Variants in FAM171B observed in about 807,000 individuals in gnomAD.
FAM171B encodes family with sequence similarity 171 member B.
Under a neutral mutation model 75.6 loss-of-function variants are expected in FAM171B, and 19 were observed. The ratio of observed to expected loss-of-function variants is 0.25; its 90% CI spans 0.18 to 0.37. The LOEUF (loss-of-function observed/expected upper bound fraction) is 0.37, where lower values mean the gene tolerates loss of function less well. Ranked by LOEUF, FAM171B falls within the 10% of genes least tolerant of loss-of-function variation. The pLI is 1.00. For missense variants in FAM171B, 848 were observed against 982.4 expected (o/e 0.86, Z 1.83); for synonymous variants, 367 against 361.7 (o/e 1.01, Z -0.17).
chr2:186,725,299 A>C lies in FAM171B; in HGVS notation c.239-14929A>C, dbSNP rs2682864. 9.4e-3 allele frequency among the ~76,000 whole-genome samples: 1,407 copies of C among 150,268 alleles called. 22 individuals carry two copies. Among genetic ancestry groups the C allele is most frequent in the African/African-American group, 0.033 (1,338 of 40,848 alleles). Reference sequence around the variant, plus strand: ...GCGGAGCTTGCAGTGAGCCGAGACCACGCCACTGCACTCCAACCTGGGCGA... The same window carrying C: ...GCGGAGCTTGCAGTGAGCCGAGACCCCGCCACTGCACTCCAACCTGGGCGA... On this transcript the variant is annotated intron_variant, in intron 1 of 7. Transcript: ENST00000304698.
At chr2:186,735,559 A>G (rs1690187545) in intron 1 of FAM171B, among the ~76,000 whole-genome samples, 2 of 152,146 alleles carry the variant, frequency 1.3e-5, no homozygotes, top group East Asian at 3.9e-4. Context: ...AGGCAGTTAC[A>G]TTTTGAGGAA....
At chr2:186,712,264 C>T (rs1234125726) in intron 1 of FAM171B, among the ~76,000 whole-genome samples, 2 of 152,046 alleles carry the variant, frequency 1.3e-5, no homozygotes, top group African/African-American at 2.4e-5. Context: ...GTTTAATTAT[C>T]TAAGTGCATT....
Position 186,740,158 on chromosome 2 carries a change from G to T in FAM171B, c.239-70G>T, listed in dbSNP as rs183660965. ...GTACTGTTATTTAGATATGTTGAAT[G>T]ACATTTAAAGACTATGACATATGCA... On this transcript the variant is annotated intron_variant, in intron 1 of 7. Transcript: ENST00000304698. The T allele has an allele frequency of 4.7e-6, 5 of 1,056,570 alleles. No homozygotes were observed. The East Asian group carries it at 9.8e-5, about 21-fold the overall frequency. The allele number at this position is 1,056,570 out of a possible 1,614,324, so 65.4% of individuals were successfully genotyped here. A position where few individuals can be genotyped will look rare whatever the true frequency, so the allele number is the denominator to read the frequency against.
chr2:186,744,345 A>G (rs1221981082), intron 3 of FAM171B, among the ~76,000 whole-genome samples: 1 of 152,190 alleles, frequency 6.6e-6, no homozygotes, highest in Non-Finnish European at 1.5e-5. Flanking sequence ...ACTCTCTGTG[A>G]AAGTTCTTTT....
chr2:186,723,270 G>T (rs1689981759), intron 1 of FAM171B, among the ~76,000 whole-genome samples: 1 of 152,134 alleles, frequency 6.6e-6, no homozygotes, highest in Non-Finnish European at 1.5e-5. Flanking sequence ...AGGTCCTTTT[G>T]TCTCTCTCAT....
intron 1 of FAM171B, among the ~76,000 whole-genome samples, chr2:186,723,551 G>A (rs939865908): frequency 1.1e-4 from 17 of 151,976 alleles, no homozygotes; most frequent in Admixed American, 1.1e-3. Flanking sequence ...CTTAAAATTG[G>A]GTAACAGATA....
At chr2:186,751,650 T>C (rs1405585209) in intron 5 of FAM171B, among the ~76,000 whole-genome samples, 1 of 152,194 alleles carries the variant, frequency 6.6e-6, no homozygotes, top group Non-Finnish European at 1.5e-5. Context: ...TTTAAGGCCA[T>C]AGGGAAATGT....
chr2:186,725,516 A>T (rs1339723109), intron 1 of FAM171B, among the ~76,000 whole-genome samples: 1 of 152,080 alleles, frequency 6.6e-6, no homozygotes, highest in Non-Finnish European at 1.5e-5. Flanking sequence ...TCTCAAGGAT[A>T]AGTATCTGTG....
chr2:186,734,790 G>T (rs558708012), intron 1 of FAM171B, among the ~76,000 whole-genome samples: 121 of 152,324 alleles, frequency 7.9e-4, no homozygotes, highest in Non-Finnish European at 1.4e-3. Flanking sequence ...CCCACCTGTG[G>T]CCATGAGTGC....
intron 6 of FAM171B, among the ~76,000 whole-genome samples, chr2:186,760,438 T>C (rs940390296): frequency 6.6e-6 from 1 of 152,162 alleles, no homozygotes; most frequent in Non-Finnish European, 1.5e-5. Context: ...AGATAAAAAA[T>C]AAATGCAGCT....
At chr2:186,723,229 A>AGG (rs1345726538) in intron 1 of FAM171B, among the ~76,000 whole-genome samples, 6 of 152,236 alleles carry the variant, frequency 3.9e-5, no homozygotes, top group Non-Finnish European at 5.9e-5. Flanking sequence ...CATTCATGAG[A>AGG]GGGAACATTC....
intron 6 of FAM171B, among the ~76,000 whole-genome samples, chr2:186,758,083 T>A (rs1453043162): frequency 6.6e-6 from 1 of 152,182 alleles, no homozygotes; most frequent in Non-Finnish European, 1.5e-5. Context: ...CATTTTAATA[T>A]AACCTTAAAG....
At chr2:186,699,405 T>A (rs1040480998) in intron 1 of FAM171B, among the ~76,000 whole-genome samples, 19 of 152,174 alleles carry the variant, frequency 1.2e-4, no homozygotes, top group Non-Finnish European at 2.2e-4. Flanking sequence ...CATATACCTG[T>A]TTGCCATTTG....
At chr2:186,759,872 T>C (rs951618361) in intron 6 of FAM171B, among the ~76,000 whole-genome samples, 3 of 152,092 alleles carry the variant, frequency 2.0e-5, no homozygotes, top group East Asian at 3.9e-4. Context: ...CCAAGATTTA[T>C]TGGAGAGTTT....
At chr2:186,738,769 T>A (rs1690243752) in intron 1 of FAM171B, among the ~76,000 whole-genome samples, 1 of 152,180 alleles carries the variant, frequency 6.6e-6, no homozygotes, top group Admixed American at 6.5e-5. Flanking sequence ...AGAACCTCAG[T>A]CTTCACATTA....
At chr2:186,734,195 A>G (rs2105783447) in intron 1 of FAM171B, among the ~76,000 whole-genome samples, 1 of 152,208 alleles carries the variant, frequency 6.6e-6, no homozygotes, top group South Asian at 2.1e-4. Flanking sequence ...GCTCCTTCCC[A>G]CAAGCAGGTC....
intron 4 of FAM171B, among the ~76,000 whole-genome samples, chr2:186,749,166 T>C (rs1344852105): frequency 6.6e-6 from 1 of 152,208 alleles, no homozygotes; most frequent in African/African-American, 2.4e-5. Context: ...ATGCAGTTAG[T>C]GGTCACTTTA....
intron 1 of FAM171B, among the ~76,000 whole-genome samples, chr2:186,706,751 G>C (rs1689738159): frequency 6.6e-6 from 1 of 152,122 alleles, no homozygotes. Flanking sequence ...GACTGTACAT[G>C]TTCCTATCAT....
At chr2:186,706,003 ACT>A (rs1212908069) in intron 1 of FAM171B, among the ~76,000 whole-genome samples, 7 of 152,122 alleles carry the variant, frequency 4.6e-5, no homozygotes, top group African/African-American at 9.6e-5. Context: ...CAATCCAGAA[ACT>A]CTCTGCATTT....
Sources: gnomAD v4.1 joint callset for allele counts (sites outside exome capture counted in the v4.1 genomes callset) on GRCh38, gnomAD v4.1.1 for gene constraint, MANE v1.5 for transcripts, NCBI Gene and HGNC (gene_info 2026-07-23, HGNC 2026-07-21) for gene names.